PUDP: variants seen among roughly 807,000 people sequenced by gnomAD.
PUDP encodes pseudouridine 5'-phosphatase, also known as pseudouridine-5'-phosphatase.
PUDP carries 8 observed loss-of-function variants against 9.4 expected under a neutral mutation model. The ratio of observed to expected loss-of-function variants is 0.85; its 90% CI spans 0.50 to 1.53. The LOEUF is 1.53. Among genes scored for constraint, PUDP ranks in the 40% most tolerant of loss-of-function variants. The pLI, the probability that PUDP is intolerant of heterozygous loss-of-function variation, is 0.00. For synonymous variants in PUDP, 99 were observed against 80.7 expected, an observed-to-expected ratio of 1.23 and a Z score of -1.22; for missense variants, 188 against 189.7, an observed-to-expected ratio of 0.99 and a Z score of 0.05.
Position 6,903,941 on chromosome X carries a change from A to AAT in PUDP, c.*247+73190_*247+73191dup, listed in dbSNP as rs1457660165. ...TGCACATGTACCCCCAAGTTTAAAA[A>AAT]ATATATATATATTTATTTTTTTTTT... On this transcript the variant is annotated intron_variant and NMD_transcript_variant, in intron 3 of 3. Transcript: ENST00000655425. 1.4e-4 allele frequency among the ~76,000 whole-genome samples: 14 copies of AAT among 102,953 alleles called. No homozygotes were observed. The East Asian group carries it at 1.6e-3, about 12-fold the overall frequency. 89.4% of individuals were successfully genotyped at this position (102,953 alleles called of 115,157 possible). A position where few individuals can be genotyped will look rare whatever the true frequency, so the allele number is the denominator to read the frequency against.
At chrX:6,765,070 C>T (rs1487094160) in intron 3 of PUDP, among the ~76,000 whole-genome samples, 1 of 105,824 alleles carries the variant, frequency 9.4e-6, no homozygotes, top group African/African-American at 3.5e-5. Flanking sequence ...AGTTTGACAC[C>T]AGCCTGGGCA....
intron 3 of PUDP, among the ~76,000 whole-genome samples, chrX:6,945,459 G>T (rs1289639366): frequency 9.0e-6 from 1 of 111,643 alleles, no homozygotes; most frequent in African/African-American, 3.3e-5. Context: ...TTTGTATTTT[G>T]TCTGTCTTTA....
intron 1 of PUDP, among the ~76,000 whole-genome samples, chrX:6,709,667 G>A (rs1438813257): frequency 2.7e-5 from 3 of 112,342 alleles, no homozygotes; most frequent in African/African-American, 6.5e-5. Context: ...TCTGACTGAT[G>A]TTCTTAAAAT....
intron 2 of PUDP, among the ~76,000 whole-genome samples, chrX:7,100,957 C>T (rs1931712666): frequency 8.9e-6 from 1 of 111,945 alleles, no homozygotes; most frequent in Non-Finnish European, 1.9e-5. Flanking sequence ...TATCCTACAC[C>T]TAACTCGTTT....
chrX:6,844,659 G>T (rs1266480809), intron 3 of PUDP, among the ~76,000 whole-genome samples: 4 of 112,096 alleles, frequency 3.6e-5, no homozygotes, highest in Non-Finnish European at 7.5e-5. Context: ...TATAAACACA[G>T]ATATAGATAT....
intron 2 of PUDP, among the ~76,000 whole-genome samples, chrX:7,077,962 T>G (rs1930967891): frequency 8.9e-6 from 1 of 112,458 alleles, no homozygotes; most frequent in African/African-American, 3.2e-5. Flanking sequence ...GGAGAGGAAA[T>G]TACACAAAGG....
chrX:6,927,461 A>T (rs1928123381), intron 3 of PUDP, among the ~76,000 whole-genome samples: 1 of 112,204 alleles, frequency 8.9e-6, no homozygotes, highest in South Asian at 3.7e-4. Context: ...TATAGCTGGG[A>T]TCCTCAGTTG....
chrX:6,778,429 C>A (rs1925502989), intron 3 of PUDP, among the ~76,000 whole-genome samples: 1 of 112,680 alleles, frequency 8.9e-6, no homozygotes, highest in African/African-American at 3.2e-5. Context: ...CAAGGCCAGC[C>A]ACCCTGAGCA....
At chrX:7,072,237 G>A (rs1466869322) in intron 3 of PUDP, among the ~76,000 whole-genome samples, 2 of 111,371 alleles carry the variant, frequency 1.8e-5, no homozygotes, top group Non-Finnish European at 3.8e-5. Context: ...AAAAAGAGTA[G>A]AATCTACCAC....
intron 3 of PUDP, among the ~76,000 whole-genome samples, chrX:6,840,944 TAATCTGACTCTAAA>T (rs890628899): frequency 2.7e-4 from 30 of 111,299 alleles, no homozygotes; most frequent in Non-Finnish European, 4.9e-4. Context: ...AAAAAAAAGG[TAATCTGACTCTAAA>T]AATCTGACTC....
intron 1 of PUDP, among the ~76,000 whole-genome samples, chrX:7,015,570 C>A (rs1929535598): frequency 9.0e-6 from 1 of 111,321 alleles, no homozygotes; most frequent in South Asian, 3.9e-4. Flanking sequence ...CAGATCATTT[C>A]TTCTTTTGTT....
At chrX:6,885,821 T>G (rs1213690168) in intron 3 of PUDP, among the ~76,000 whole-genome samples, 1 of 112,540 alleles carries the variant, frequency 8.9e-6, no homozygotes, top group East Asian at 2.8e-4. Context: ...ACATCAGGTA[T>G]AGCAGGTGTA....
At chrX:6,960,900 T>C (rs6530012) in intron 3 of PUDP, among the ~76,000 whole-genome samples, 26,494 of 110,700 alleles carry the variant, frequency 0.24, 2,422 homozygotes, top group Admixed American at 0.37. Flanking sequence ...CTTGCCACTA[T>C]GGTGGGAGAG....
chrX:7,077,540 C>A, intron 2 of PUDP, 91 bp from the exon 3 acceptor site: 1 of 679,998 alleles, frequency 1.5e-6, no homozygotes. Flanking sequence ...TGTGTGGCAG[C>A]ACACTCTCAG....
chrX:6,716,043 C>T (rs1924595180), intron 1 of PUDP, among the ~76,000 whole-genome samples: 1 of 110,239 alleles, frequency 9.1e-6, no homozygotes, highest in Non-Finnish European at 1.9e-5. Context: ...ATCTATTAAT[C>T]ACCAAAATAA....
chrX:7,121,426 C>T (rs1443875176), intron 1 of PUDP, among the ~76,000 whole-genome samples: 1 of 111,900 alleles, frequency 8.9e-6, no homozygotes, highest in Non-Finnish European at 1.9e-5. Flanking sequence ...TTCTGGGGCA[C>T]TGGTGAGCGC....
chrX:7,106,386 A>G (rs1430094205), intron 1 of PUDP, among the ~76,000 whole-genome samples: 3 of 112,233 alleles, frequency 2.7e-5, no homozygotes, highest in Admixed American at 9.4e-5. Flanking sequence ...CCTGAGAATT[A>G]ACTCCCGGCT....
intron 1 of PUDP, among the ~76,000 whole-genome samples, chrX:7,001,478 C>A (rs763858765): frequency 2.7e-5 from 3 of 110,955 alleles, no homozygotes; most frequent in African/African-American, 9.8e-5. Flanking sequence ...AACCAAGATA[C>A]TTCTGAGAAA....
chrX:6,897,075 G>A (rs746714652), intron 3 of PUDP, among the ~76,000 whole-genome samples: 2 of 111,178 alleles, frequency 1.8e-5, no homozygotes, highest in South Asian at 3.8e-4. Flanking sequence ...TAAAAACCCC[G>A]GGACAGACCC....
Sources: allele counts gnomAD v4.1 joint callset (sites outside exome capture counted in the v4.1 genomes callset), GRCh38; gene constraint gnomAD v4.1.1; transcripts MANE v1.5; gene names NCBI Gene and HGNC (gene_info 2026-07-23, HGNC 2026-07-21).